Variants in RFWD3 observed in about 807,000 individuals in gnomAD.
The protein encoded by RFWD3 is E3 ubiquitin-protein ligase RFWD3.
In RFWD3, 65 loss-of-function variants were observed where a neutral mutation model predicts 87.7. The observed-to-expected ratio is 0.74, with a 90% confidence interval of 0.61 to 0.91. RFWD3 has a LOEUF of 0.91. Ranked by LOEUF, RFWD3 falls within the 40% of genes least tolerant of loss-of-function variation. The probability of loss-of-function intolerance (pLI) is 0.00; values close to 1 mark genes in which losing one functional copy is unlikely to be tolerated. For missense variants in RFWD3, 1,078 were observed against 938.5 expected (o/e 1.15, Z -1.94); for synonymous variants, 433 against 352.8 (o/e 1.23, Z -2.55).
At chr16:74,643,746 G>A (rs1959865425) in intron 6 of RFWD3, among the ~76,000 whole-genome samples, 1 of 148,232 alleles carries the variant, frequency 6.7e-6, no homozygotes, top group Non-Finnish European at 1.5e-5. Flanking sequence ...TGCAATTTCG[G>A]CTCACTGCAA....
At chr16:74,627,007 T>A (rs1202897841) in intron 11 of RFWD3, among the ~76,000 whole-genome samples, 1 of 152,210 alleles carries the variant, frequency 6.6e-6, no homozygotes, top group Non-Finnish European at 1.5e-5. Context: ...TCTGAAATTC[T>A]GCTGGGAGGC....
At position 74,644,439 on chromosome 16, in the gene RFWD3, G is replaced by A; in HGVS notation, c.1002C>T (p.Ala334=). Residue 334 remains alanine, a synonymous_variant, in exon 6 of 13, where the codon GCC becomes GCT. Coordinates refer to ENST00000361070, the MANE Select transcript of RFWD3 (RefSeq NM_018124.4). The stretch of plus-strand genomic sequence containing the variant: ...AAAGGACGACAATGTCACTGTGCCT[G>A]GCTTTCTTGTTGCACTAAAGAACCC... The part of the protein sequence containing the change: ...VRKCPQCNKK[A]RHSDIVVLYA... 6.2e-7 allele frequency: 1 copy of A among 1,614,180 alleles called. No individual in the cohort carries two copies. The highest frequency in any genetic ancestry group is 8.5e-7 in the Non-Finnish European group (1 of 1,180,036).
At chr16:74,658,814 C>T (rs1046337104) in intron 2 of RFWD3, among the ~76,000 whole-genome samples, 3 of 150,000 alleles carry the variant, frequency 2.0e-5, no homozygotes, top group African/African-American at 7.4e-5. Flanking sequence ...GTCACCCAGG[C>T]TGGATTACAG....
chr16:74,661,575 T>C, intron 1 of RFWD3, 124 bp from the exon 2 acceptor site: 2 of 922,782 alleles, frequency 2.2e-6, no homozygotes, highest in Non-Finnish European at 3.2e-6. Flanking sequence ...ACTGAGAAGC[T>C]TCAAGAGAAG....
chr16:74,649,035 C>G (rs1316838616), intron 4 of RFWD3, 97 bp downstream of exon 4: 13 of 685,648 alleles, frequency 1.9e-5, no homozygotes, highest in East Asian at 4.0e-5. Flanking sequence ...TGAGTTATGA[C>G]TGCACCACTG....
intron 12 of RFWD3, among the ~76,000 whole-genome samples, chr16:74,625,998 C>T (rs1243827790): frequency 6.6e-6 from 1 of 152,108 alleles, no homozygotes; most frequent in Non-Finnish European, 1.5e-5. Flanking sequence ...CCAGCCTGGC[C>T]AACACGGTGA....
chr16:74,644,371 C>T lies in RFWD3; in HGVS notation c.1070G>A (p.Arg357His), dbSNP rs149052600. ...LRALDTSEQE[R>H]MKSSLLKEQM... ...TACTCTTACCACCTACCTTTTCATG[C>T]GCTCCTGTTCACTAGTGTCCAAAGC... Residue 357 changes from arginine (R) to histidine (H), a missense_variant, in exon 6 of 13, where the codon CGC (arginine) becomes CAC (histidine). By Grantham distance (29) the Arg-to-His change is conservative. Coordinates refer to ENST00000361070, the MANE Select transcript of RFWD3 (RefSeq NM_018124.4). 2.1e-5 allele frequency: 34 copies of T among 1,613,906 alleles called. No homozygotes were observed. In the Admixed American group the frequency reaches 2.2e-4, roughly 10 times the overall value.
intron 3 of RFWD3, among the ~76,000 whole-genome samples, chr16:74,650,493 A>G (rs1183955259): frequency 6.6e-6 from 1 of 151,916 alleles, no homozygotes; most frequent in African/African-American, 2.4e-5. Flanking sequence ...AGATGCTAAG[A>G]TTGACCAATG....
intron 4 of RFWD3, among the ~76,000 whole-genome samples, chr16:74,648,173 T>G (rs982864226): frequency 2.0e-5 from 3 of 152,116 alleles, no homozygotes; most frequent in South Asian, 2.1e-4. Context: ...TTAACCTTGT[T>G]GGCTAGACAG....
In RFWD3 at chr16:74,660,974, C is replaced by A; in HGVS notation, c.476G>T (p.Arg159Leu). ...CTGAGACCCTCCGGCTCTTGCCCTCCGTGAAGCAGATACCCTCCTTCTTGT... is the reference window on the plus strand; with the variant it reads ...CTGAGACCCTCCGGCTCTTGCCCTCAGTGAAGCAGATACCCTCCTTCTTGT... The part of the protein sequence containing the change: ...MRTRRRVSAS[R>L]RARAGGSQRT... Residue 159 changes from arginine to leucine, a missense_variant, in exon 2 of 13, where the codon CGG becomes CTG. Coordinates refer to ENST00000361070, the MANE Select transcript of RFWD3 (RefSeq NM_018124.4). 2 of 1,614,160 alleles carry A rather than the reference C, an allele frequency of 1.2e-6. No homozygotes were observed. The highest frequency in any genetic ancestry group is 1.7e-6 in the Non-Finnish European group (2 of 1,180,024).
intron 4 of RFWD3, among the ~76,000 whole-genome samples, chr16:74,646,113 A>G (rs2144216362): frequency 6.6e-6 from 1 of 152,250 alleles, no homozygotes; most frequent in Middle Eastern, 3.4e-3. Context: ...TAGTAATCAC[A>G]CCTACAGTCC....
intron 12 of RFWD3, among the ~76,000 whole-genome samples, chr16:74,625,850 GTACTGGACAGTGCTAC>G (rs1958916323): frequency 6.6e-6 from 1 of 152,196 alleles, no homozygotes; most frequent in South Asian, 2.1e-4. Context: ...TAGTGTGACT[GTACTGGACAGTGCTAC>G]TCTAGGCCTT....
chr16:74,656,453 T>C (rs899357138), intron 2 of RFWD3, among the ~76,000 whole-genome samples: 27 of 152,020 alleles, frequency 1.8e-4, no homozygotes, highest in African/African-American at 6.5e-4. Context: ...CTGGACAAAG[T>C]AAATTGAAAA....
In RFWD3 at chr16:74,665,071, C is replaced by G. The variant is rs185162873; in HGVS notation, c.-3+1715G>C. On this transcript the variant is annotated intron_variant, in intron 1 of 12. Transcript: ENST00000361070. ...CCTCAGACTTGTCATCTTTGTTACT[C>G]AGGTTTCAATCAATGGCCACAACAG... Among the ~76,000 whole-genome samples, 466 of 152,272 alleles carry G rather than the reference C, an allele frequency of 3.1e-3. 6 individuals carry two copies. The highest frequency in any genetic ancestry group is 1.9e-3 in the Non-Finnish European group (129 of 68,012).
chr16:74,633,418 A>G (rs918566755), intron 8 of RFWD3, among the ~76,000 whole-genome samples: 1 of 152,162 alleles, frequency 6.6e-6, no homozygotes, highest in Non-Finnish European at 1.5e-5. Context: ...TACTGTATAA[A>G]CATGTGATGG....
At chr16:74,652,177 A>G (rs568341527) in intron 2 of RFWD3, 55 bp from the exon 3 acceptor site, 26 of 1,494,520 alleles carry the variant, frequency 1.7e-5, no homozygotes, top group Middle Eastern at 1.7e-4. Flanking sequence ...CATCACAAAA[A>G]CAATCTATAG....
intron 1 of RFWD3, among the ~76,000 whole-genome samples, chr16:74,665,473 G>C (rs1388632522): frequency 6.6e-6 from 1 of 152,102 alleles, no homozygotes; most frequent in East Asian, 1.9e-4. Flanking sequence ...AGCTACTTGG[G>C]AGGCTGAGGC....
At chr16:74,652,164 T>A (rs1326939307) in intron 2 of RFWD3, 42 bp from the exon 3 acceptor site, 2 of 1,548,982 alleles carry the variant, frequency 1.3e-6, no homozygotes, top group Admixed American at 1.7e-5. Flanking sequence ...TACAATGAAC[T>A]ATCATCACAA....
At chr16:74,664,782 C>T (rs948742151) in intron 1 of RFWD3, 1 of 151,854 alleles carries the variant, frequency 6.6e-6, no homozygotes, top group Non-Finnish European at 1.5e-5. Flanking sequence ...AAATAAGTTC[C>T]TTTGTCGTGC....
Sources: gnomAD v4.1 joint callset for allele counts (sites outside exome capture counted in the v4.1 genomes callset) on GRCh38, gnomAD v4.1.1 for gene constraint, MANE v1.5 for transcripts, NCBI Gene and HGNC (gene_info 2026-07-23, HGNC 2026-07-21) for gene names.